CDH13: variants seen among roughly 807,000 people sequenced by gnomAD.
The protein encoded by CDH13 is cadherin-13.
CDH13 carries 24 observed loss-of-function variants against 63.8 expected under a neutral mutation model. That is an observed-to-expected ratio of 0.38 (90% CI 0.27 to 0.53). The LOEUF (loss-of-function observed/expected upper bound fraction) is 0.53, where lower values mean the gene tolerates loss of function less well. Among genes scored for constraint, CDH13 ranks in the 20% least tolerant of loss-of-function variants. The pLI, the probability that CDH13 is intolerant of heterozygous loss-of-function variation, is 0.85. For synonymous variants in CDH13, 503 were observed against 355.3 expected, an observed-to-expected ratio of 1.42 and a Z score of -4.67; for missense variants, 1,049 against 903.1, an observed-to-expected ratio of 1.16 and a Z score of -2.07.
intron 5 of CDH13, among the ~76,000 whole-genome samples, chr16:83,241,446 C>T (rs974626939): frequency 8.5e-5 from 13 of 152,126 alleles, no homozygotes; most frequent in African/African-American, 3.1e-4. Flanking sequence ...ATATTCTCAC[C>T]AAGTGTATAC....
rs919893705 is a variant in CDH13 at position 83,042,340 on chromosome 16, A to C, written c.366+10122A>C. On this transcript the variant is annotated intron_variant, in intron 3 of 13. Coordinates refer to ENST00000567109, the MANE Select transcript of CDH13 (RefSeq NM_001257.5). ...AGATCAGTAGCAGCATCAGATTCTC[A>C]TAGGAGTGTGAACCCTATTGTAAAT... is the stretch of plus-strand genomic sequence containing the variant. 2.0e-5 allele frequency among the ~76,000 whole-genome samples: 3 copies of C among 152,184 alleles called. No individual in the cohort carries two copies. In the South Asian group the frequency reaches 6.2e-4, roughly 32 times the overall value.
At chr16:83,441,812 TA>T (rs1290262905) in intron 6 of CDH13, among the ~76,000 whole-genome samples, 4 of 152,162 alleles carry the variant, frequency 2.6e-5, no homozygotes, top group African/African-American at 9.7e-5. Flanking sequence ...CCCTATACTC[TA>T]CTCCAAAAGG....
intron 8 of CDH13, among the ~76,000 whole-genome samples, chr16:83,618,882 C>T (rs1316068081): frequency 1.3e-5 from 2 of 151,646 alleles, no homozygotes; most frequent in African/African-American, 4.8e-5. Context: ...GTGTGCTGAG[C>T]TCATTCTTGT....
chr16:82,674,613 C>T (rs571530633), intron 1 of CDH13, among the ~76,000 whole-genome samples: 4 of 152,188 alleles, frequency 2.6e-5, no homozygotes, highest in African/African-American at 9.6e-5. Flanking sequence ...GAGAGATCTC[C>T]CTGGGGATTT....
chr16:83,651,705 C>T lies in CDH13; in HGVS notation c.1102-19085C>T, dbSNP rs1296118116. ...CTGCCTCCCAGGTTCAAGAAATTCTCCTGCCTCAGCCTCCCAAGTAGCTGG... is the reference window on the plus strand; with the variant it reads ...CTGCCTCCCAGGTTCAAGAAATTCTTCTGCCTCAGCCTCCCAAGTAGCTGG... On this transcript the variant is annotated intron_variant, in intron 8 of 13. Transcript: ENST00000567109. Among the ~76,000 whole-genome samples, 5 of 145,534 alleles carry T rather than the reference C, an allele frequency of 3.4e-5. No homozygotes were observed. In the East Asian group the frequency reaches 8.4e-4, roughly 24 times the overall value.
intron 8 of CDH13, among the ~76,000 whole-genome samples, chr16:83,654,631 A>G (rs766573600): frequency 6.6e-5 from 10 of 152,158 alleles, no homozygotes; most frequent in Non-Finnish European, 1.2e-4. Context: ...GAAAATTAAA[A>G]TATAATAATG....
intron 4 of CDH13, among the ~76,000 whole-genome samples, chr16:83,137,648 G>A (rs1293735075): frequency 6.6e-6 from 1 of 152,140 alleles, no homozygotes; most frequent in Non-Finnish European, 1.5e-5. Flanking sequence ...AGCCAACTTC[G>A]GTGTAATTAA....
intron 6 of CDH13, among the ~76,000 whole-genome samples, chr16:83,408,704 G>A (rs2092083751): frequency 6.6e-6 from 1 of 152,210 alleles, no homozygotes; most frequent in African/African-American, 2.4e-5. Context: ...CATGAAGAAT[G>A]TAGTAGTTGT....
intron 4 of CDH13, among the ~76,000 whole-genome samples, chr16:83,148,547 C>A (rs993154617): frequency 1.3e-5 from 2 of 152,196 alleles, no homozygotes; most frequent in African/African-American, 4.8e-5. Context: ...TTTTATGCAC[C>A]TGCACAGTGG....
intron 1 of CDH13, among the ~76,000 whole-genome samples, chr16:82,833,706 G>C (rs1341763642): frequency 6.6e-6 from 1 of 152,116 alleles, no homozygotes; most frequent in Non-Finnish European, 1.5e-5. Flanking sequence ...TCAATCTACT[G>C]CCTCCTTGTC....
intron 3 of CDH13, among the ~76,000 whole-genome samples, chr16:83,076,111 A>G (rs1422526311): frequency 1.3e-5 from 2 of 152,210 alleles, no homozygotes; most frequent in African/African-American, 4.8e-5. Flanking sequence ...TTGGAAGGAA[A>G]AAAAAGTAAA....
At chr16:83,498,204 C>A (rs1567713547) in intron 7 of CDH13, among the ~76,000 whole-genome samples, 2 of 152,150 alleles carry the variant, frequency 1.3e-5, no homozygotes, top group Non-Finnish European at 2.9e-5. Flanking sequence ...GAGATGGGAA[C>A]AGAAGATTTC....
intron 1 of CDH13, among the ~76,000 whole-genome samples, chr16:82,717,328 C>A (rs575620284): frequency 1.3e-5 from 2 of 151,734 alleles, no homozygotes; most frequent in Non-Finnish European, 2.9e-5. Context: ...CCTAGCTACT[C>A]CAGAGGCTGA....
intron 5 of CDH13, among the ~76,000 whole-genome samples, chr16:83,281,132 G>C (rs7195640): frequency 0.041 from 6,271 of 152,144 alleles, 450 homozygotes; most frequent in African/African-American, 0.14. Context: ...TCAATTGAAG[G>C]CTGTCTCATC....
At chr16:82,897,638 C>T (rs2041313542) in intron 2 of CDH13, among the ~76,000 whole-genome samples, 1 of 152,236 alleles carries the variant, frequency 6.6e-6, no homozygotes, top group Admixed American at 6.5e-5. Context: ...TCAGCTCTGT[C>T]TTCTGAAGTT....
chr16:83,266,798 T>C (rs1907676748), intron 5 of CDH13, among the ~76,000 whole-genome samples: 1 of 152,192 alleles, frequency 6.6e-6, no homozygotes, highest in South Asian at 2.1e-4. Context: ...TCTGGAATCC[T>C]CTCTTTTCCC....
chr16:83,477,285 A>G (rs1245114179), intron 6 of CDH13, among the ~76,000 whole-genome samples: 1 of 152,238 alleles, frequency 6.6e-6, no homozygotes, highest in Non-Finnish European at 1.5e-5. Flanking sequence ...TTGGCTGTCA[A>G]TTTGTACTTA....
At chr16:83,295,726 A>G (rs1214023967) in intron 5 of CDH13, among the ~76,000 whole-genome samples, 1 of 152,218 alleles carries the variant, frequency 6.6e-6, no homozygotes, top group East Asian at 1.9e-4. Flanking sequence ...TGTTGATGGG[A>G]ATGTAAGTAC....
At chr16:82,777,641 C>G (rs951665932) in intron 1 of CDH13, among the ~76,000 whole-genome samples, 5 of 152,180 alleles carry the variant, frequency 3.3e-5, no homozygotes, top group Non-Finnish European at 5.9e-5. Flanking sequence ...TCCACAATTT[C>G]TGTGCAGCAA....
Sources: gnomAD v4.1 joint callset for allele counts (sites outside exome capture counted in the v4.1 genomes callset) on GRCh38, gnomAD v4.1.1 for gene constraint, MANE v1.5 for transcripts, NCBI Gene and HGNC (gene_info 2026-07-23, HGNC 2026-07-21) for gene names.